PDE1C: variants seen among roughly 807,000 people sequenced by gnomAD.
The protein encoded by PDE1C is dual specificity calcium/calmodulin-dependent 3',5'-cyclic nucleotide phosphodiesterase 1C.
Under a neutral mutation model 93.1 loss-of-function variants are expected in PDE1C, and 62 were observed. The ratio of observed to expected loss-of-function variants is 0.67; its 90% CI spans 0.54 to 0.82. The LOEUF is 0.82. PDE1C is among the 40% of genes least tolerant of loss of function. PDE1C has a pLI of 0.00. For missense variants in PDE1C, 742 were observed against 884.6 expected, an observed-to-expected ratio of 0.84 and a Z score of 2.04; for synonymous variants, 325 against 310.1, an observed-to-expected ratio of 1.05 and a Z score of -0.50.
At chr7:32,071,445 T>C, upstream of PDE1C, 1 of 984,832 alleles carries the variant, frequency 1.0e-6, no homozygotes, top group African/African-American at 1.7e-5. Context: ...CTAAAGGGGC[T>C]CTCTCGCTCG....
the PDE1C span, among the ~76,000 whole-genome samples, chr7:31,736,821 G>A: frequency 1.3e-5 from 2 of 152,202 alleles, no homozygotes; most frequent in African/African-American, 4.8e-5. Context: ...GGGAGGCTCA[G>A]TGTAAAATTA....
intron 2 of PDE1C, among the ~76,000 whole-genome samples, chr7:31,921,723 G>C (rs1802646424): frequency 6.6e-6 from 1 of 152,110 alleles, no homozygotes; most frequent in South Asian, 2.1e-4. Flanking sequence ...CTTTTATCAA[G>C]AAAATAAGGC....
chr7:31,657,414 T>A, the PDE1C span, among the ~76,000 whole-genome samples: 1 of 152,314 alleles, frequency 6.6e-6, no homozygotes, highest in African/African-American at 2.4e-5. Flanking sequence ...TAAACAAAGA[T>A]CTCATTGCTA....
At chr7:31,651,069 A>G in the PDE1C span, 5 of 1,514,256 alleles carry the variant, frequency 3.3e-6, no homozygotes, top group African/African-American at 5.6e-5. Flanking sequence ...ATGGGAAGAC[A>G]GGCTCCACCA....
chr7:31,989,096 AAGAAAGAAAGAGAAAG>A (rs1245623369), intron 2 of PDE1C, among the ~76,000 whole-genome samples: 1 of 151,112 alleles, frequency 6.6e-6, no homozygotes. Context: ...GAAACAAAGA[AAGAAAGAAAGAGAAAG>A]AGAAAGAAAG....
At chr7:31,731,822 A>T in the PDE1C span, among the ~76,000 whole-genome samples, 1 of 152,156 alleles carries the variant, frequency 6.6e-6, no homozygotes, top group Non-Finnish European at 1.5e-5. Context: ...TGGCAGAGGG[A>T]GAGGACAGGG....
the PDE1C span, among the ~76,000 whole-genome samples, chr7:31,619,824 G>A: frequency 0.54 from 82,631 of 151,998 alleles, 23,005 homozygotes; most frequent in East Asian, 0.84. Flanking sequence ...CTCGGGAAGC[G>A]CAAGGGGTCA....
chr7:31,969,230 G>C (rs1030894095), intron 2 of PDE1C, among the ~76,000 whole-genome samples: 32 of 152,198 alleles, frequency 2.1e-4, no homozygotes, highest in African/African-American at 7.7e-4. Flanking sequence ...GAAAATGTTT[G>C]CAACCTACTC....
chr7:32,341,173 C>CTATTTTTTATTT (rs796122014), intron 1 of PDE1C, among the ~76,000 whole-genome samples: 5 of 84,958 alleles, frequency 5.9e-5, no homozygotes, highest in South Asian at 6.0e-4. Context: ...GAAATAAAGT[C>CTATTTTTTATTT]TTTTTTTTTT....
At chr7:32,190,076 C>G (rs1298823981) in intron 2 of PDE1C, among the ~76,000 whole-genome samples, 1 of 152,202 alleles carries the variant, frequency 6.6e-6, no homozygotes, top group Non-Finnish European at 1.5e-5. Flanking sequence ...GGCTTCACAT[C>G]TTCACCTCCT....
At chr7:31,959,152 AATTC>A (rs1226556430) in intron 2 of PDE1C, among the ~76,000 whole-genome samples, 3 of 152,164 alleles carry the variant, frequency 2.0e-5, no homozygotes, top group African/African-American at 7.2e-5. Context: ...AAAAAAATAT[AATTC>A]ATTCACATAA....
chr7:32,106,878 CAG>C (rs955166965), intron 3 of PDE1C, among the ~76,000 whole-genome samples: 2 of 149,912 alleles, frequency 1.3e-5, no homozygotes, highest in African/African-American at 4.9e-5. Flanking sequence ...AATTATCAGA[CAG>C]GGAATTAAAA....
At position 32,010,776 on chromosome 7, in the gene PDE1C, G is replaced by A. The variant is rs1437106344; in HGVS notation, c.128+40778C>T. ...GCTTGGAGATGGCTCTCTTTTCCCTGGGTCTTCACATCAGTCTTCCCTCTG... is the reference window on the plus strand; with the variant it reads ...GCTTGGAGATGGCTCTCTTTTCCCTAGGTCTTCACATCAGTCTTCCCTCTG... On this transcript the variant is annotated intron_variant, in intron 2 of 17. Transcript: ENST00000396191. Among the ~76,000 whole-genome samples the A allele has an allele frequency of 2.0e-5, 3 of 152,212 alleles. No individual in the cohort carries two copies. In the East Asian group the frequency reaches 5.8e-4, roughly 29 times the overall value.
chr7:31,694,387 A>ACACACACACACACACACACAC, the PDE1C span, among the ~76,000 whole-genome samples: 5 of 141,596 alleles, frequency 3.5e-5, no homozygotes, highest in African/African-American at 1.1e-4. Flanking sequence ...CTCTCTCTCA[A>ACACACACACACACACACACAC]ACACACACAC....
At chr7:32,087,945 T>G (rs1010080334) in intron 3 of PDE1C, among the ~76,000 whole-genome samples, 1 of 151,820 alleles carries the variant, frequency 6.6e-6, no homozygotes, top group Non-Finnish European at 1.5e-5. Context: ...GGCACATGTA[T>G]ACATATGTAA....
chr7:32,416,991 AC>A (rs1250444550), intron 1 of PDE1C, among the ~76,000 whole-genome samples: 1 of 151,946 alleles, frequency 6.6e-6, no homozygotes, highest in Non-Finnish European at 1.5e-5. Flanking sequence ...ATAAACACCC[AC>A]CCCATGCCTG....
chr7:32,220,013 C>G (rs1270895317), intron 1 of PDE1C, among the ~76,000 whole-genome samples: 1 of 152,182 alleles, frequency 6.6e-6, no homozygotes, highest in Non-Finnish European at 1.5e-5. Context: ...CTCTCATTCT[C>G]TCTTATCTGC....
chr7:31,817,174 T>C (rs186355203), intron 14 of PDE1C, among the ~76,000 whole-genome samples: 2 of 152,078 alleles, frequency 1.3e-5, no homozygotes, highest in East Asian at 3.9e-4. Context: ...ATAATCAGCA[T>C]AGGGGAGGGA....
At chr7:31,964,881 C>T (rs979650523) in intron 2 of PDE1C, among the ~76,000 whole-genome samples, 1 of 152,174 alleles carries the variant, frequency 6.6e-6, no homozygotes, top group Admixed American at 6.5e-5. Context: ...CTCCAACAGA[C>T]CTACAGCTGA....
Sources: allele counts gnomAD v4.1 joint callset (sites outside exome capture counted in the v4.1 genomes callset), GRCh38; gene constraint gnomAD v4.1.1; transcripts MANE v1.5; gene names NCBI Gene and HGNC (gene_info 2026-07-23, HGNC 2026-07-21).